The following MOCS3 variants were observed in gnomAD, a reference collection of about 807,000 sequenced individuals.
MOCS3 encodes the protein adenylyltransferase and sulfurtransferase MOCS3.
In MOCS3, 9 loss-of-function variants were observed where a neutral mutation model predicts 8.4. That is an observed-to-expected ratio of 1.07 (90% CI 0.65 to 1.87). The LOEUF (loss-of-function observed/expected upper bound fraction) is 1.87, where lower values mean the gene tolerates loss of function less well. MOCS3 is among the 40% of genes most tolerant of loss of function. MOCS3 has a pLI of 0.00. For synonymous variants in MOCS3, 294 were observed against 272.0 expected, an observed-to-expected ratio of 1.08 and a Z score of -0.80; for missense variants, 581 against 599.7, an observed-to-expected ratio of 0.97 and a Z score of 0.33.
chr20:50,962,392 A>T lies in MOCS3; in HGVS notation c.*2167A>T, dbSNP rs1987120471. Reference sequence around the variant, plus strand: ...TACATGCCTACATCTTAGCTGCAAGAGAGGCTGGGAATTTGTGTTTTGATA... The same window carrying T: ...TACATGCCTACATCTTAGCTGCAAGTGAGGCTGGGAATTTGTGTTTTGATA... On this transcript the variant is annotated 3_prime_UTR_variant, in exon 1 of 1. Transcript: ENST00000244051. 1 of 152,216 alleles carries T rather than the reference A, an allele frequency of 6.6e-6. No individual in the cohort carries two copies. The allele number at this position is 152,216 out of a possible 1,614,324, so 9.4% of individuals were successfully genotyped here.
At position 50,960,599 on chromosome 20, in the gene MOCS3, T is replaced by C. The variant is rs762832196; in HGVS notation, c.*374T>C. On this transcript the variant is annotated 3_prime_UTR_variant, in exon 1 of 1. Coordinates refer to ENST00000244051, the MANE Select transcript of MOCS3 (RefSeq NM_014484.5). ...GATTATATACTTCGGATCTGTTTAC[T>C]GTTCAGTTAAGAAATTCTTGGATCT... is the stretch of plus-strand genomic sequence containing the variant. 8 of 186,994 alleles carry C rather than the reference T, an allele frequency of 4.3e-5. No homozygotes were observed. Among genetic ancestry groups the C allele is most frequent in the Admixed American group, 3.6e-4 (6 of 16,570 alleles). 11.6% of individuals were successfully genotyped at this position (186,994 alleles called of 1,614,324 possible).
chr20:50,958,869 C>T lies in MOCS3; in HGVS notation c.27C>T (p.Ala9=), dbSNP rs778082617. The T allele has an allele frequency of 3.8e-6, 6 of 1,597,598 alleles. No individual in the cohort carries two copies. Among genetic ancestry groups the T allele is most frequent in the African/African-American group, 2.7e-5 (2 of 74,604 alleles). The change falls in exon 1 of 1, where the codon GCC becomes GCT. Residue 9 remains alanine, a synonymous_variant. Transcript: ENST00000244051. The stretch of plus-strand genomic sequence containing the variant: ...TGGCTTCCCGGGAGGAGGTACTCGC[C>T]TTACAAGCTGAAGTTGCCCAACGTG... The part of the protein sequence containing the change: MASREEVL[A]LQAEVAQREE...
rs761328028 is a variant in MOCS3 at position 50,960,448 on chromosome 20, A to T, written c.*223A>T. The T allele has an allele frequency of 6.1e-5, 29 of 472,506 alleles. No homozygotes were observed. The highest frequency in any genetic ancestry group is 9.8e-5 in the Non-Finnish European group (26 of 264,358). 29.3% of individuals were successfully genotyped at this position (472,506 alleles called of 1,614,324 possible). On this transcript the variant is annotated 3_prime_UTR_variant, in exon 1 of 1. Transcript: ENST00000244051. ...GAGAACCATCATTTTTTTTTTCAGC[A>T]CACGGAGGATGTCTTGGACATGTGA...
chr20:50,959,743 G>A lies in MOCS3; in HGVS notation c.901G>A (p.Gly301Arg), dbSNP rs760591680. 3 of 1,614,208 alleles carry A rather than the reference G, an allele frequency of 1.9e-6. No individual in the cohort carries two copies. The highest frequency in any genetic ancestry group is 1.7e-5 in the Admixed American group (1 of 60,028). The part of the protein sequence containing the change: ...RSRRLDCAAC[G>R]ERPTVTDLLD... ...CCGCAGGCTCGACTGTGCAGCTTGC[G>A]GGGAACGGCCCACTGTGACTGATCT... Residue 301 changes from glycine (G) to arginine (R), a missense_variant, in exon 1 of 1, where the codon GGG becomes AGG. Physicochemically the swap from Gly to Arg is moderately radical, Grantham distance 125. Coordinates refer to ENST00000244051, the MANE Select transcript of MOCS3 (RefSeq NM_014484.5).
Position 50,960,573 on chromosome 20 carries a change from A to G in MOCS3, c.*348A>G, listed in dbSNP as rs1987084858. On this transcript the variant is annotated 3_prime_UTR_variant, in exon 1 of 1. Transcript: ENST00000244051. ...AAAATGCTTTCTAAATCATTTTCAC[A>G]GATTATATACTTCGGATCTGTTTAC... The G allele has an allele frequency of 4.6e-6, 1 of 216,420 alleles. No homozygotes were observed. Among genetic ancestry groups the G allele is most frequent in the African/African-American group, 2.3e-5 (1 of 43,010 alleles). The allele number at this position is 216,420 out of a possible 1,614,324, so 13.4% of individuals were successfully genotyped here.
rs930730798 is a variant in MOCS3, at chr20:50,962,222, C to T, written c.*1997C>T. On this transcript the variant is annotated 3_prime_UTR_variant, in exon 1 of 1. Transcript: ENST00000244051. ...GTACCGGAGGAAACGCCACTACAGT[C>T]TCACCAGTTTCACTTGACGTGCCCC... 6.6e-6 allele frequency: 1 copy of T among 152,296 alleles called. No individual in the cohort carries two copies. Among genetic ancestry groups the T allele is most frequent in the Non-Finnish European group, 1.5e-5 (1 of 68,110 alleles). The allele number at this position is 152,296 out of a possible 1,614,324, so 9.4% of individuals were successfully genotyped here.
Position 50,959,834 on chromosome 20 carries a change from G to A in MOCS3, c.992G>A (p.Ser331Asn). The A allele has an allele frequency of 6.2e-7, 1 of 1,614,248 alleles. No individual in the cohort carries two copies. The highest frequency in any genetic ancestry group is 8.5e-7 in the Non-Finnish European group (1 of 1,180,034). The change falls in exon 1 of 1, where the codon AGC becomes AAC. Residue 331 changes from serine (S) to asparagine (N), a missense_variant. By Grantham distance (46) the Ser-to-Asn change is conservative. Transcript: ENST00000244051. ...TDKCRSLQLL[S>N]PEERVSVTDY... ...AAATGCCGCTCCCTGCAACTACTGA[G>A]CCCAGAGGAGCGTGTTTCTGTCACC... is the stretch of plus-strand genomic sequence containing the variant.
rs902455081 is a variant in MOCS3 at position 50,960,321 on chromosome 20, G to A, written c.*96G>A. 4 of 1,288,272 alleles carry A rather than the reference G, an allele frequency of 3.1e-6. No homozygotes were observed. The highest frequency in any genetic ancestry group is 3.0e-5 in the African/African-American group (2 of 66,808). 79.8% of individuals were successfully genotyped at this position (1,288,272 alleles called of 1,614,324 possible). A position where few individuals can be genotyped will look rare whatever the true frequency, so the allele number is the denominator to read the frequency against. ...TTTCGGTAATATACATAGGAGCTGG[G>A]GATTCTACAGTATCTGTGAATACGT... On this transcript the variant is annotated 3_prime_UTR_variant, in exon 1 of 1. Coordinates refer to ENST00000244051, the MANE Select transcript of MOCS3 (RefSeq NM_014484.5).
At position 50,961,995 on chromosome 20, in the gene MOCS3, G is replaced by A. The variant is rs1442582256; in HGVS notation, c.*1770G>A. On this transcript the variant is annotated 3_prime_UTR_variant, in exon 1 of 1. Transcript: ENST00000244051. ...TGAAGTCCTAAAGTTATAGACAGTTGTAGTTCCTATAAACCTGGTTGTCAC... is the reference window on the plus strand; with the variant it reads ...TGAAGTCCTAAAGTTATAGACAGTTATAGTTCCTATAAACCTGGTTGTCAC... The A allele has an allele frequency of 6.6e-6, 1 of 152,226 alleles. No homozygotes were observed. Among genetic ancestry groups the A allele is most frequent in the Non-Finnish European group, 1.5e-5 (1 of 68,042 alleles). 9.4% of individuals were successfully genotyped at this position (152,226 alleles called of 1,614,324 possible). A position where few individuals can be genotyped will look rare whatever the true frequency, so the allele number is the denominator to read the frequency against.
In MOCS3 at chr20:50,958,819, C is replaced by T. The variant is rs987261808; in HGVS notation, c.-24C>T. 1.9e-6 allele frequency: 3 copies of T among 1,566,414 alleles called. No homozygotes were observed. In the Admixed American group the frequency reaches 5.6e-5, roughly 29 times the overall value. On this transcript the variant is annotated 5_prime_UTR_variant, in exon 1 of 1. The change creates a new upstream start codon in the 5' untranslated region. Transcript: ENST00000244051. ...AAGACGGAAGCGGAAATGCCTTTCA[C>T]GACAACTTCCGGAAGAGGTCGCCAT...
In MOCS3 at chr20:50,960,326, C is replaced by G; in HGVS notation, c.*101C>G. On this transcript the variant is annotated 3_prime_UTR_variant, in exon 1 of 1. Transcript: ENST00000244051. ...GTAATATACATAGGAGCTGGGGATTCTACAGTATCTGTGAATACGTGGACT... is the reference window on the plus strand; with the variant it reads ...GTAATATACATAGGAGCTGGGGATTGTACAGTATCTGTGAATACGTGGACT... 7.9e-7 allele frequency: 1 copy of G among 1,259,650 alleles called. No homozygotes were observed. Among genetic ancestry groups the G allele is most frequent in the Non-Finnish European group, 1.1e-6 (1 of 926,698 alleles). The allele number at this position is 1,259,650 out of a possible 1,614,324, so 78.0% of individuals were successfully genotyped here.
rs1987143116 is a variant in MOCS3 at position 50,963,538 on chromosome 20, GA to G, written c.*3318del. 1 of 152,184 alleles carries G rather than the reference GA, an allele frequency of 6.6e-6. No homozygotes were observed. Among genetic ancestry groups the G allele is most frequent in the African/African-American group, 2.4e-5 (1 of 41,432 alleles). 9.4% of individuals were successfully genotyped at this position (152,184 alleles called of 1,614,324 possible). A position where few individuals can be genotyped will look rare whatever the true frequency, so the allele number is the denominator to read the frequency against. On this transcript the variant is annotated 3_prime_UTR_variant, in exon 1 of 1. Coordinates refer to ENST00000244051, the MANE Select transcript of MOCS3 (RefSeq NM_014484.5). ...ATCTGAGGAAAATTCTATACTGGGA[GA>G]AAAATAACTGTAAAGACCTCAAGGT... is the stretch of plus-strand genomic sequence containing the variant.
Position 50,959,086 on chromosome 20 carries a change from AC to A in MOCS3, c.246del (p.Ala83ArgfsTer4), listed in dbSNP as rs1425274691. On this transcript the variant is annotated frameshift_variant, in exon 1 of 1. Transcript: ENST00000244051. LOFTEE classifies it low-confidence loss of function (END_TRUNC). The part of the protein sequence containing the change: ...LGVHGQLRLG[T>X]ACVLIVGCGG... The stretch of plus-strand genomic sequence containing the variant: ...CGTGCACGGACAGCTGCGCCTGGGG[AC>A]CGCGTGCGTGCTAATCGTGGGCTGC... 6.2e-7 allele frequency: 1 copy of A among 1,613,018 alleles called. No homozygotes were observed. The highest frequency in any genetic ancestry group is 1.7e-5 in the Admixed American group (1 of 59,998).
In MOCS3 at chr20:50,961,710, CT is replaced by C. The variant is rs1319743362; in HGVS notation, c.*1490del. The C allele has an allele frequency of 6.6e-6, 1 of 152,126 alleles. No individual in the cohort carries two copies. Among genetic ancestry groups the C allele is most frequent in the Non-Finnish European group, 1.5e-5 (1 of 68,024 alleles). The allele number at this position is 152,126 out of a possible 1,614,324, so 9.4% of individuals were successfully genotyped here. Reference sequence around the variant, plus strand: ...TTAACAAATTCAAAATTAGTCATCACTTTTTAACTGTGAAACATTGTAACTA... The same window carrying C: ...TTAACAAATTCAAAATTAGTCATCACTTTTAACTGTGAAACATTGTAACTA... On this transcript the variant is annotated 3_prime_UTR_variant, in exon 1 of 1. Coordinates refer to ENST00000244051, the MANE Select transcript of MOCS3 (RefSeq NM_014484.5).
In MOCS3 at chr20:50,959,861, A is replaced by T. The variant is rs1443028754; in HGVS notation, c.1019A>T (p.Asp340Val). 1 of 1,614,202 alleles carries T rather than the reference A, an allele frequency of 6.2e-7. No homozygotes were observed. ...CCAGAGGAGCGTGTTTCTGTCACCG[A>T]CTATAAGCGACTGCTGGATTCTGGG... ...LSPEERVSVT[D>V]YKRLLDSGAF... is the part of the protein sequence containing the mutation. The change falls in exon 1 of 1, where the codon GAC (aspartate) becomes GTC (valine). Residue 340 changes from aspartate (D) to valine (V), a missense_variant. Physicochemically the swap from Asp to Val is radical, Grantham distance 152. Transcript: ENST00000244051.
In MOCS3 at chr20:50,959,430, G is replaced by A. The variant is rs200875087; in HGVS notation, c.588G>A (p.Ala196=). Residue 196 remains alanine, a synonymous_variant, in exon 1 of 1, where the codon GCG becomes GCA. Transcript: ENST00000244051. Reference sequence around the variant, plus strand: ...TGGTTAATGACGCATGTGTGCTGGCGGGTCGGCCCCTCGTGTCTGCCAGTG... The same window carrying A: ...TGGTTAATGACGCATGTGTGCTGGCAGGTCGGCCCCTCGTGTCTGCCAGTG... The part of the protein sequence containing the change: ...RYLVNDACVL[A]GRPLVSASAL... 1.3e-4 allele frequency: 214 copies of A among 1,613,976 alleles called. No homozygotes were observed. In the East Asian group the frequency reaches 4.7e-3, roughly 35 times the overall value.
rs1338608592 is a variant in MOCS3 at position 50,963,518 on chromosome 20, A to T, written c.*3293A>T. On this transcript the variant is annotated 3_prime_UTR_variant, in exon 1 of 1. Coordinates refer to ENST00000244051, the MANE Select transcript of MOCS3 (RefSeq NM_014484.5). The stretch of plus-strand genomic sequence containing the variant: ...GAAAGAGCCAGTTACAGAAGATCTG[A>T]GGAAAATTCTATACTGGGAGAAAAA... 1 of 152,224 alleles carries T rather than the reference A, an allele frequency of 6.6e-6. No individual in the cohort carries two copies. Among genetic ancestry groups the T allele is most frequent in the East Asian group, 1.9e-4 (1 of 5,206 alleles). 9.4% of individuals were successfully genotyped at this position (152,224 alleles called of 1,614,324 possible).
rs2123164084 is a variant in MOCS3, at chr20:50,961,861, A to G, written c.*1636A>G. 1 of 152,366 alleles carries G rather than the reference A, an allele frequency of 6.6e-6. No individual in the cohort carries two copies. Among genetic ancestry groups the G allele is most frequent in the South Asian group, 2.1e-4 (1 of 4,830 alleles). 9.4% of individuals were successfully genotyped at this position (152,366 alleles called of 1,614,324 possible). ...ATGACTGTGACCTGGAGTGGAGAAC[A>G]AAGATGGCTGGCCTGTGTTTTTCAT... is the stretch of plus-strand genomic sequence containing the variant. On this transcript the variant is annotated 3_prime_UTR_variant, in exon 1 of 1. Coordinates refer to ENST00000244051, the MANE Select transcript of MOCS3 (RefSeq NM_014484.5).
rs758686327 is a variant in MOCS3 at position 50,960,155 on chromosome 20, C to G, written c.1313C>G (p.Thr438Arg). ...GCAGCTCAAGAGTTAGACCCTTTAA[C>G]AGTTCGGGATGTTGTGGGGGGCCTC... ...LSAAQELDPL[T>R]VRDVVGGLMA... Residue 438 changes from threonine to arginine, a missense_variant, in exon 1 of 1, where the codon ACA becomes AGA. Thr to Arg is a moderately conservative substitution (Grantham distance 71). Coordinates refer to ENST00000244051, the MANE Select transcript of MOCS3 (RefSeq NM_014484.5). The G allele has an allele frequency of 1.9e-5, 30 of 1,614,226 alleles. No homozygotes were observed. The highest frequency in any genetic ancestry group is 2.3e-5 in the Non-Finnish European group (27 of 1,180,044).
Sources: gnomAD v4.1 joint callset for allele counts on GRCh38, gnomAD v4.1.1 for gene constraint, MANE v1.5 for transcripts, NCBI Gene and HGNC (gene_info 2026-07-23, HGNC 2026-07-21) for gene names.